The following PTPRK variants were observed in gnomAD, a reference collection of about 807,000 sequenced individuals.
The protein encoded by PTPRK is receptor-type tyrosine-protein phosphatase kappa.
In PTPRK, 75 loss-of-function variants were observed where a neutral mutation model predicts 178.0. The observed-to-expected ratio is 0.42, with a 90% CI of 0.35 to 0.51. PTPRK has a LOEUF of 0.51. PTPRK is among the 20% of genes least tolerant of loss of function. The pLI is 0.02. For missense variants in PTPRK, 1,441 were observed against 1,797.8 expected, an observed-to-expected ratio of 0.80 and a Z score of 3.59; for synonymous variants, 637 against 620.6, an observed-to-expected ratio of 1.03 and a Z score of -0.39.
intron 2 of PTPRK, among the ~76,000 whole-genome samples, chr6:128,382,128 G>A (rs1315931677): frequency 4.8e-5 from 7 of 144,806 alleles, no homozygotes; most frequent in African/African-American, 1.3e-4. Flanking sequence ...CTCAAGCCTG[G>A]GCAACAGAGC....
intron 11 of PTPRK, among the ~76,000 whole-genome samples, chr6:128,074,889 A>G (rs1400257741): frequency 6.6e-6 from 1 of 152,058 alleles, no homozygotes; most frequent in African/African-American, 2.4e-5. Flanking sequence ...TGGTGAAAAT[A>G]TTGGTAAGGT....
intron 5 of PTPRK, among the ~76,000 whole-genome samples, chr6:128,235,845 A>C (rs1465278038): frequency 6.6e-6 from 1 of 152,108 alleles, no homozygotes; most frequent in Non-Finnish European, 1.5e-5. Context: ...CACACTGCCT[A>C]TGTCATTCAC....
At chr6:128,126,665 A>T (rs1026366741) in intron 7 of PTPRK, among the ~76,000 whole-genome samples, 12 of 152,028 alleles carry the variant, frequency 7.9e-5, no homozygotes, top group Non-Finnish European at 1.8e-4. Flanking sequence ...TAAATAAAAA[A>T]ATCTGGAGAG....
At chr6:128,151,888 G>C (rs530518499) in intron 7 of PTPRK, among the ~76,000 whole-genome samples, 1 of 151,860 alleles carries the variant, frequency 6.6e-6, no homozygotes, top group Admixed American at 6.6e-5. Flanking sequence ...AGTATAATCA[G>C]GGAAACTGGG....
intron 1 of PTPRK, among the ~76,000 whole-genome samples, chr6:128,427,558 G>C (rs1844302186): frequency 6.6e-6 from 1 of 152,118 alleles, no homozygotes; most frequent in Admixed American, 6.5e-5. Flanking sequence ...ATGTCCTCCT[G>C]GAGAAAGACA....
chr6:128,362,466 G>A (rs112926896), intron 2 of PTPRK, among the ~76,000 whole-genome samples: 1 of 152,094 alleles, frequency 6.6e-6, no homozygotes, highest in African/African-American at 2.4e-5. Flanking sequence ...TTAAACCTAT[G>A]ATGGGCACAC....
intron 13 of PTPRK, among the ~76,000 whole-genome samples, chr6:128,041,849 T>C (rs1272686485): frequency 5.3e-5 from 5 of 94,704 alleles, no homozygotes; most frequent in Non-Finnish European, 1.1e-4. Context: ...ATTTGTGTGT[T>C]GTCTGTGTAT....
intron 3 of PTPRK, among the ~76,000 whole-genome samples, chr6:128,284,297 A>T (rs546880736): frequency 6.6e-6 from 1 of 152,312 alleles, no homozygotes; most frequent in African/African-American, 2.4e-5. Context: ...CATCCTGGTC[A>T]TCTTTTCCAC....
At chr6:128,461,045 T>C (rs1008356095) in intron 1 of PTPRK, among the ~76,000 whole-genome samples, 1 of 152,208 alleles carries the variant, frequency 6.6e-6, no homozygotes, top group African/African-American at 2.4e-5. Flanking sequence ...AAGAAATTAT[T>C]TTTTAAAATA....
chr6:128,338,737 T>C (rs1034538820), intron 2 of PTPRK, among the ~76,000 whole-genome samples: 2 of 152,158 alleles, frequency 1.3e-5, no homozygotes, highest in Admixed American at 6.5e-5. Flanking sequence ...AATGTTCTTA[T>C]AGGTATTCTG....
intron 6 of PTPRK, among the ~76,000 whole-genome samples, chr6:128,201,012 GC>G (rs148267800): frequency 0.013 from 2,032 of 151,812 alleles, 51 homozygotes; most frequent in African/African-American, 0.046. Flanking sequence ...ACCTTACTGA[GC>G]CTACCCTGGA....
intron 7 of PTPRK, among the ~76,000 whole-genome samples, chr6:128,126,378 T>C (rs185576297): frequency 2.7e-4 from 41 of 152,350 alleles, no homozygotes; most frequent in Non-Finnish European, 4.9e-4. Context: ...ACCATTTCTT[T>C]ATTCGTTTGC....
intron 5 of PTPRK, among the ~76,000 whole-genome samples, chr6:128,231,263 A>G (rs1029640410): frequency 1.3e-5 from 2 of 152,206 alleles, no homozygotes; most frequent in African/African-American, 4.8e-5. Context: ...CAATGGCCCA[A>G]TGAAAAGCAG....
intron 1 of PTPRK, among the ~76,000 whole-genome samples, chr6:128,499,688 A>G (rs1241661666): frequency 6.6e-6 from 1 of 152,252 alleles, no homozygotes. Context: ...CCAGACCCAC[A>G]GTTAGAAATT....
intron 23 of PTPRK, 112 bp from the exon 24 acceptor site, chr6:127,983,092 C>T: frequency 7.6e-7 from 1 of 1,317,978 alleles, no homozygotes; most frequent in Admixed American, 2.6e-5. Context: ...AATTAAAACA[C>T]CAATATTTTT....
Position 128,322,113 on chromosome 6 carries a change from C to G in PTPRK, c.421G>C (p.Val141Leu). The G allele has an allele frequency of 1.9e-6, 3 of 1,613,964 alleles. No homozygotes were observed. Among genetic ancestry groups the G allele is most frequent in the Non-Finnish European group, 2.5e-6 (3 of 1,179,914 alleles). The part of the protein sequence containing the change: ...KGPLANPIWN[V>L]TGFTGRDWLR... ...CAATCTCTACCCGTGAATCCAGTCA[C>G]ATTCCAAATTGGATTGGCAAGAGGT... The change falls in exon 3 of 30, where the codon GTG (valine) becomes CTG (leucine). Residue 141 changes from valine (V) to leucine (L), a missense_variant. Around this residue, in one of 4 missense-constraint regions of PTPRK, gnomAD observed 158 missense variants for 188.0 expected, o/e 0.84. Transcript: ENST00000368226.
chr6:128,520,211 G>T (rs1315740533), intron 1 of PTPRK, 48 bp downstream of exon 1: 4 of 1,504,712 alleles, frequency 2.7e-6, no homozygotes, highest in Non-Finnish European at 2.7e-6. Flanking sequence ...CACCCCTCGT[G>T]AGCCCAGGAC....
intron 6 of PTPRK, among the ~76,000 whole-genome samples, chr6:128,188,295 G>GA (rs562641759): frequency 7.3e-4 from 111 of 151,942 alleles, no homozygotes; most frequent in African/African-American, 2.6e-3. Context: ...AAATCATTAT[G>GA]AAAAAATACT....
intron 3 of PTPRK, among the ~76,000 whole-genome samples, chr6:128,252,256 G>C (rs1192005506): frequency 6.6e-6 from 1 of 152,130 alleles, no homozygotes; most frequent in Non-Finnish European, 1.5e-5. Context: ...ATCACTAAAA[G>C]TATCTAGAAA....
Sources: gnomAD v4.1 joint callset for allele counts (sites outside exome capture counted in the v4.1 genomes callset) on GRCh38, gnomAD v4.1.1 for gene constraint, gnomAD v4.1.1 regional missense constraint, MANE v1.5 for transcripts, NCBI Gene and HGNC (gene_info 2026-07-23, HGNC 2026-07-21) for gene names.